The following TULP3 variants were observed in gnomAD, a reference collection of about 807,000 sequenced individuals.
The protein encoded by TULP3 is tubby-related protein 3.
Under a neutral mutation model 50.7 loss-of-function variants are expected in TULP3, and 38 were observed. That is an observed-to-expected ratio of 0.75 (90% CI 0.58 to 0.98). TULP3 has a LOEUF of 0.98. Ranked by LOEUF, TULP3 falls within the 50% of genes least tolerant of loss-of-function variation. The pLI, the probability that TULP3 is intolerant of heterozygous loss-of-function variation, is 0.00. For missense variants in TULP3, 550 were observed against 568.0 expected, an observed-to-expected ratio of 0.97 and a Z score of 0.32; for synonymous variants, 183 against 196.6, an observed-to-expected ratio of 0.93 and a Z score of 0.58.
chr12:2,933,139 T>TC (rs1457138101), intron 6 of TULP3, among the ~76,000 whole-genome samples: 2 of 152,036 alleles, frequency 1.3e-5, no homozygotes, highest in African/African-American at 4.8e-5. Flanking sequence ...AGACAGGGTT[T>TC]ACGGTGTTAG....
chr12:2,941,053 T>G lies in TULP3; in HGVS notation c.*1609T>G. 3.8e-6 allele frequency: 1 copy of G among 262,710 alleles called. No individual in the cohort carries two copies. The highest frequency in any genetic ancestry group is 7.1e-6 in the Non-Finnish European group (1 of 141,072). 16.3% of individuals were successfully genotyped at this position (262,710 alleles called of 1,614,324 possible). On this transcript the variant is annotated 3_prime_UTR_variant, in exon 11 of 11. Transcript: ENST00000448120. Reference sequence around the variant, plus strand: ...AGATATATAAACTAATTTCACATAATTTGTGTGTGCAGGTGATTGGTTTTT... The same window carrying G: ...AGATATATAAACTAATTTCACATAAGTTGTGTGTGCAGGTGATTGGTTTTT...
In TULP3 at chr12:2,940,958, A is replaced by G. The variant is rs1051474190; in HGVS notation, c.*1514A>G. 9.9e-6 allele frequency: 5 copies of G among 507,418 alleles called. No homozygotes were observed. Among genetic ancestry groups the G allele is most frequent in the Middle Eastern group, 3.9e-4 (1 of 2,546 alleles). 31.4% of individuals were successfully genotyped at this position (507,418 alleles called of 1,614,324 possible). A position where few individuals can be genotyped will look rare whatever the true frequency, so the allele number is the denominator to read the frequency against. On this transcript the variant is annotated 3_prime_UTR_variant, in exon 11 of 11. Coordinates refer to ENST00000448120, the MANE Select transcript of TULP3 (RefSeq NM_003324.5). ...GCCACAGAAGCTATTAATACACGACAGCATGTGGGGAAGGACTTATGGTGG... is the reference window on the plus strand; with the variant it reads ...GCCACAGAAGCTATTAATACACGACGGCATGTGGGGAAGGACTTATGGTGG...
Position 2,940,240 on chromosome 12 carries a change from C to T in TULP3, c.*796C>T, listed in dbSNP as rs186749489. On this transcript the variant is annotated 3_prime_UTR_variant, in exon 11 of 11. Coordinates refer to ENST00000448120, the MANE Select transcript of TULP3 (RefSeq NM_003324.5). ...TGACTACGGATCCATTAGTGAGGAG[C>T]GACACACACACCTGTAGGCATCCTG... 5,365 of 1,359,552 alleles carry T rather than the reference C, an allele frequency of 3.9e-3. 62 individuals are homozygous for T. Among genetic ancestry groups the T allele is most frequent in the South Asian group, 0.025 (2,023 of 81,546 alleles). 84.2% of individuals were successfully genotyped at this position (1,359,552 alleles called of 1,614,324 possible). A position where few individuals can be genotyped will look rare whatever the true frequency, so the allele number is the denominator to read the frequency against.
chr12:2,908,641 C>T (rs1301283132), intron 1 of TULP3, among the ~76,000 whole-genome samples: 1 of 152,062 alleles, frequency 6.6e-6, no homozygotes, highest in Non-Finnish European at 1.5e-5. Context: ...AGGCTGGTCT[C>T]GAACTCCTGA....
intron 1 of TULP3, among the ~76,000 whole-genome samples, chr12:2,893,714 GTGT>G (rs1457657481): frequency 9.0e-6 from 1 of 110,498 alleles, no homozygotes; most frequent in Non-Finnish European, 1.8e-5. Flanking sequence ...TAGGTTTTCT[GTGT>G]TTTTTTTTTT....
chr12:2,901,126 CTT>C (rs1009997949), intron 1 of TULP3, among the ~76,000 whole-genome samples: 1 of 150,840 alleles, frequency 6.6e-6, no homozygotes, highest in African/African-American at 2.4e-5. Flanking sequence ...CCCCCCACCT[CTT>C]TTTTTTGAGA....
intron 8 of TULP3, among the ~76,000 whole-genome samples, chr12:2,937,002 G>A (rs912151585): frequency 6.6e-6 from 1 of 150,900 alleles, no homozygotes; most frequent in African/African-American, 2.4e-5. Flanking sequence ...CCCAGGCTGA[G>A]GCACAGGAAT....
intron 1 of TULP3, among the ~76,000 whole-genome samples, chr12:2,898,233 G>A (rs1175581005): frequency 1.3e-5 from 2 of 152,156 alleles, no homozygotes; most frequent in Non-Finnish European, 2.9e-5. Context: ...AGGTTAAGTT[G>A]TACTGGGAAC....
chr12:2,913,923 C>G (rs2098187135), intron 2 of TULP3, among the ~76,000 whole-genome samples: 1 of 151,760 alleles, frequency 6.6e-6, no homozygotes. Flanking sequence ...TGGTTTACTT[C>G]TAAAACTGAC....
intron 8 of TULP3, 60 bp downstream of exon 8, chr12:2,934,621 AC>A (rs1212882249): frequency 1.8e-6 from 2 of 1,136,246 alleles, no homozygotes; most frequent in African/African-American, 3.2e-5. Context: ...GGCACTTTTC[AC>A]CTAGTGTCGC....
Position 2,940,535 on chromosome 12 carries a change from A to G in TULP3, c.*1091A>G, listed in dbSNP as rs982393722. ...CACCAGTTCACCCTTCCCAGAATGT[A>G]TCCAAACCTTGAGAATGCAGGAGCT... On this transcript the variant is annotated 3_prime_UTR_variant, in exon 11 of 11. Transcript: ENST00000448120. 1 of 1,549,450 alleles carries G rather than the reference A, an allele frequency of 6.5e-7. No individual in the cohort carries two copies. The highest frequency in any genetic ancestry group is 1.4e-5 in the African/African-American group (1 of 73,016).
intron 2 of TULP3, among the ~76,000 whole-genome samples, chr12:2,915,892 G>C (rs1211207510): frequency 6.6e-6 from 1 of 151,968 alleles, no homozygotes. Context: ...CCTGATGCTG[G>C]TTGTACTCTG....
intron 10 of TULP3, 41 bp downstream of exon 10, chr12:2,938,326 A>ATC: frequency 6.3e-7 from 1 of 1,593,512 alleles, no homozygotes; most frequent in South Asian, 1.1e-5. Flanking sequence ...AGGAGGACAG[A>ATC]TGCTCTTACA....
chr12:2,907,120 T>G (rs184576569), intron 1 of TULP3, among the ~76,000 whole-genome samples: 12 of 150,398 alleles, frequency 8.0e-5, no homozygotes, highest in Non-Finnish European at 1.2e-4. Flanking sequence ...GGCAGATCAC[T>G]TGAGGTCAGG....
At chr12:2,936,525 C>T (rs1054001507) in intron 8 of TULP3, among the ~76,000 whole-genome samples, 17 of 150,320 alleles carry the variant, frequency 1.1e-4, no homozygotes, top group Non-Finnish European at 1.8e-4. Context: ...CCAAGATGGG[C>T]GGATCACCTG....
At chr12:2,899,762 A>G (rs755166955) in intron 1 of TULP3, among the ~76,000 whole-genome samples, 6 of 152,040 alleles carry the variant, frequency 3.9e-5, no homozygotes, top group Middle Eastern at 3.4e-3. Flanking sequence ...GTGTGGTGGC[A>G]GGTGCCTGTA....
At chr12:2,905,859 T>G (rs1450424945) in intron 1 of TULP3, among the ~76,000 whole-genome samples, 1 of 151,582 alleles carries the variant, frequency 6.6e-6, no homozygotes, top group Non-Finnish European at 1.5e-5. Flanking sequence ...ATGATTTGTT[T>G]TCCCCCATGC....
At chr12:2,920,527 G>A (rs1591531788) in intron 2 of TULP3, among the ~76,000 whole-genome samples, 4 of 151,598 alleles carry the variant, frequency 2.6e-5, no homozygotes, top group East Asian at 3.9e-4. Flanking sequence ...AAAAAAAAAA[G>A]CATCATCTGA....
intron 8 of TULP3, among the ~76,000 whole-genome samples, chr12:2,937,358 A>G (rs2153950615): frequency 6.6e-6 from 1 of 150,910 alleles, no homozygotes; most frequent in African/African-American, 2.4e-5. Context: ...CTGGGATTAC[A>G]GGCGCCTGCC....
Sources: allele counts gnomAD v4.1 joint callset (sites outside exome capture counted in the v4.1 genomes callset), GRCh38; gene constraint gnomAD v4.1.1; transcripts MANE v1.5; gene names NCBI Gene and HGNC (gene_info 2026-07-23, HGNC 2026-07-21).